LCORL: variants seen among roughly 807,000 people sequenced by gnomAD.
LCORL encodes the protein ligand-dependent nuclear receptor corepressor-like protein.
Under a neutral mutation model 141.8 loss-of-function variants are expected in LCORL, and 41 were observed. That is an observed-to-expected ratio of 0.29 (90% CI 0.23 to 0.38). The LOEUF (loss-of-function observed/expected upper bound fraction) is 0.38. Among genes scored for constraint, LCORL ranks in the 10% least tolerant of loss-of-function variants. The pLI is 1.00. For synonymous variants in LCORL, 618 were observed against 694.1 expected, an observed-to-expected ratio of 0.89 and a Z score of 1.72; for missense variants, 1,759 against 2,035.0, an observed-to-expected ratio of 0.86 and a Z score of 2.61.
intron 1 of LCORL, among the ~76,000 whole-genome samples, chr4:17,986,089 C>T (rs980758223): frequency 1.1e-4 from 16 of 152,148 alleles, no homozygotes; most frequent in Admixed American, 2.0e-4. Flanking sequence ...GTATAAGCTC[C>T]GAATCTCTTC....
At chr4:17,847,406 A>G (rs1723060083) in intron 7 of LCORL, among the ~76,000 whole-genome samples, 1 of 152,194 alleles carries the variant, frequency 6.6e-6, no homozygotes, top group African/African-American at 2.4e-5. Context: ...CCATTCAATA[A>G]GCTAAATCCG....
At chr4:18,008,486 C>A (rs1723162817) in intron 1 of LCORL, among the ~76,000 whole-genome samples, 1 of 152,214 alleles carries the variant, frequency 6.6e-6, no homozygotes, top group Non-Finnish European at 1.5e-5. Context: ...AAGGATGAGA[C>A]TTGCTAATTT....
intron 7 of LCORL, among the ~76,000 whole-genome samples, chr4:17,851,402 A>G (rs528789153): frequency 6.6e-6 from 1 of 152,248 alleles, no homozygotes; most frequent in East Asian, 1.9e-4. Flanking sequence ...GTCCCCTCAC[A>G]TTGAAATATG....
At chr4:18,006,491 T>C (rs960504240) in intron 1 of LCORL, among the ~76,000 whole-genome samples, 1 of 152,176 alleles carries the variant, frequency 6.6e-6, no homozygotes, top group Non-Finnish European at 1.5e-5. Flanking sequence ...TTTACTGTAT[T>C]AGTCCATTTT....
intron 7 of LCORL, among the ~76,000 whole-genome samples, chr4:17,855,397 G>A (rs987110583): frequency 6.6e-6 from 1 of 152,170 alleles, no homozygotes; most frequent in African/African-American, 2.4e-5. Flanking sequence ...CCAACCAACT[G>A]TAAAAGACTG....
chr4:17,848,268 C>T (rs1281637011), intron 7 of LCORL, among the ~76,000 whole-genome samples: 1 of 152,196 alleles, frequency 6.6e-6, no homozygotes, highest in African/African-American at 2.4e-5. Flanking sequence ...GGCAGTACTG[C>T]TCTACAGAAT....
chr4:17,986,620 G>GTTGT (rs547408008), intron 1 of LCORL, among the ~76,000 whole-genome samples: 167 of 152,154 alleles, frequency 1.1e-3, no homozygotes, highest in African/African-American at 3.1e-3. Context: ...AGTTAGGTGT[G>GTTGT]TTGTTTGTTT....
exon 7 of LCORL, chr4:17,876,939 C>A (rs915834534): frequency 4.9e-6 from 6 of 1,230,606 alleles, no homozygotes; most frequent in Non-Finnish European, 6.1e-6. Context: ...ATGATTTTTA[C>A]CTTGAAGTCT....
At chr4:17,867,312 C>T (rs561385900) in intron 7 of LCORL, among the ~76,000 whole-genome samples, 9 of 151,476 alleles carry the variant, frequency 5.9e-5, no homozygotes, top group Non-Finnish European at 1.0e-4. Context: ...TGTAGTGATA[C>T]GAACAGAGTC....
intron 2 of LCORL, among the ~76,000 whole-genome samples, chr4:17,967,380 C>T (rs190675672): frequency 5.7e-4 from 86 of 152,136 alleles, no homozygotes; most frequent in African/African-American, 1.8e-3. Context: ...CTGCACAACA[C>T]ATAGAGTGAC....
chr4:17,862,896 T>C (rs1317780340), intron 7 of LCORL, among the ~76,000 whole-genome samples: 1 of 152,106 alleles, frequency 6.6e-6, no homozygotes, highest in Non-Finnish European at 1.5e-5. Flanking sequence ...AACTAAATTA[T>C]CAATAGAGTA....
chr4:17,931,829 G>A (rs752921852), intron 4 of LCORL, among the ~76,000 whole-genome samples: 42 of 151,998 alleles, frequency 2.8e-4, no homozygotes, highest in Admixed American at 2.0e-4. Context: ...CCCTTGCTGT[G>A]CTTTTAGGTC....
chr4:17,924,139 ATGT>A (rs954034079), intron 4 of LCORL, among the ~76,000 whole-genome samples: 86 of 152,270 alleles, frequency 5.6e-4, no homozygotes, highest in African/African-American at 1.8e-3. Context: ...TTTGGGAAAG[ATGT>A]TGTGTGGCTG....
chr4:17,883,647 C>T lies in LCORL; in HGVS notation c.776+2421G>A, dbSNP rs1369180914. ...GTGTGTATATAGACACACAAATACA[C>T]ACCTGTGCACATACACACACACGCA... On this transcript the variant is annotated intron_variant, in intron 6 of 7. Coordinates refer to ENST00000635767, the Ensembl canonical transcript of LCORL. The T allele has an allele frequency of 4.2e-6, 6 of 1,439,846 alleles. No homozygotes were observed. The South Asian group carries it at 7.7e-5, about 18-fold the overall frequency. The allele number at this position is 1,439,846 out of a possible 1,614,324, so 89.2% of individuals were successfully genotyped here.
intron 5 of LCORL, among the ~76,000 whole-genome samples, chr4:17,886,473 A>G (rs760315319): frequency 6.6e-6 from 1 of 152,068 alleles, no homozygotes; most frequent in Non-Finnish European, 1.5e-5. Flanking sequence ...TTGATTGCTC[A>G]TTCATGACTG....
intron 4 of LCORL, among the ~76,000 whole-genome samples, chr4:17,944,689 T>A (rs745537864): frequency 2.6e-5 from 4 of 152,158 alleles, no homozygotes; most frequent in Non-Finnish European, 4.4e-5. Context: ...ATTGGAGAAT[T>A]CTTATTTTAT....
At chr4:17,878,662 C>A (rs139592453) in intron 6 of LCORL, among the ~76,000 whole-genome samples, 27 of 151,130 alleles carry the variant, frequency 1.8e-4, no homozygotes, top group African/African-American at 5.3e-4. Context: ...TTTTCCAAGG[C>A]AGTGAAAATA....
At chr4:17,897,214 T>C (rs4698657) in intron 5 of LCORL, among the ~76,000 whole-genome samples, 17,480 of 22,612 alleles carry the variant, frequency 0.77, 6,566 homozygotes, top group East Asian at 0.91. Flanking sequence ...TACTGATTTC[T>C]TTTTTTTTTT....
chr4:17,950,529 T>C (rs997143962), intron 4 of LCORL, among the ~76,000 whole-genome samples: 2 of 152,164 alleles, frequency 1.3e-5, no homozygotes, highest in Non-Finnish European at 2.9e-5. Flanking sequence ...CATAAGATGA[T>C]ACTATTAGCC....
Sources: allele counts gnomAD v4.1 joint callset (sites outside exome capture counted in the v4.1 genomes callset), GRCh38; gene constraint gnomAD v4.1.1; transcripts MANE v1.5; gene names NCBI Gene and HGNC (gene_info 2026-07-23, HGNC 2026-07-21).